UBASH3A: variants seen among roughly 807,000 people sequenced by gnomAD.
The protein encoded by UBASH3A is ubiquitin-associated and SH3 domain-containing protein A.
Under a neutral mutation model 73.5 loss-of-function variants are expected in UBASH3A, and 63 were observed. The ratio of observed to expected loss-of-function variants is 0.86; its 90% CI spans 0.70 to 1.06. The LOEUF (loss-of-function observed/expected upper bound fraction) is 1.06. Among genes scored for constraint, UBASH3A ranks in the 50% least tolerant of loss-of-function variants. The pLI, the probability that UBASH3A is intolerant of heterozygous loss-of-function variation, is 0.00. For missense variants in UBASH3A, 860 were observed against 859.0 expected, an observed-to-expected ratio of 1.00 and a Z score of -0.02; for synonymous variants, 363 against 351.1, an observed-to-expected ratio of 1.03 and a Z score of -0.38.
chr21:42,443,634 C>T (rs1009535814), intron 13 of UBASH3A, among the ~76,000 whole-genome samples: 3 of 151,038 alleles, frequency 2.0e-5, no homozygotes, highest in Non-Finnish European at 3.0e-5. Flanking sequence ...GGCCCTGGGA[C>T]CCCCCATCCT....
Position 42,420,204 on chromosome 21 carries a change from A to G in UBASH3A, c.1046+1595A>G, listed in dbSNP as rs966203504. Among the ~76,000 whole-genome samples, 3 of 152,196 alleles carry G rather than the reference A, an allele frequency of 2.0e-5. No individual in the cohort carries two copies. The South Asian group carries it at 6.2e-4, about 32-fold the overall frequency. ...GACCCCCACAGATACCCAAATCCTC[A>G]TGTTCTCGAGTCCCCGATATAAAAT... is the stretch of plus-strand genomic sequence containing the variant. On this transcript the variant is annotated intron_variant, in intron 7 of 14. Transcript: ENST00000319294.
chr21:42,413,053 C>G lies in UBASH3A; in HGVS notation c.384C>G (p.Tyr128Ter), dbSNP rs762432071. ...AAGACCAGAAGGTGGAATGCCTGTA[C>G]GAGGCGCTGAAGAGAGCTGGAGACA... The part of the protein sequence containing the change: ...TCEDQKVECL[Y>*]EALKRAGDRL... Residue 128 changes from tyrosine (Y) to a stop codon, truncating the protein, a stop_gained, in exon 4 of 15, where the codon TAC (tyrosine) becomes TAG (stop). Transcript: ENST00000319294. LOFTEE classifies it high-confidence loss of function. The surrounding 1 kb of genome is among the most constrained non-coding windows in gnomAD (Gnocchi z 4.5). 1 of 1,614,078 alleles carries G rather than the reference C, an allele frequency of 6.2e-7. No homozygotes were observed.
At chr21:42,442,400 A>T (rs2053762802) in intron 11 of UBASH3A, 52 bp from the exon 12 acceptor site, 1 of 1,588,274 alleles carries the variant, frequency 6.3e-7, no homozygotes, top group Non-Finnish European at 8.6e-7. Context: ...TATTTATGCA[A>T]AGTCAGGGTG....
In UBASH3A at chr21:42,442,599, A is replaced by G. The variant is rs554479384; in HGVS notation, c.1631+3A>G. 3.7e-6 allele frequency: 6 copies of G among 1,605,528 alleles called. No homozygotes were observed. The African/African-American group carries it at 5.4e-5, about 14-fold the overall frequency. ...TTCAACATTGACACTGATTACAGGT[A>G]TGCTGTTCTAAAGTTCTCTGCCACT... On this transcript the variant is annotated splice_donor_region_variant and intron_variant, in intron 12 of 14. Coordinates refer to ENST00000319294, the MANE Select transcript of UBASH3A (RefSeq NM_018961.4).
At chr21:42,420,651 A>G (rs148901021) in intron 7 of UBASH3A, among the ~76,000 whole-genome samples, 13 of 152,278 alleles carry the variant, frequency 8.5e-5, no homozygotes, top group Non-Finnish European at 1.8e-4. Context: ...CTGAAAACCC[A>G]TGGGCAAGCT....
chr21:42,434,978 G>A, intron 10 of UBASH3A, 24 bp downstream of exon 10: 2 of 1,612,730 alleles, frequency 1.2e-6, no homozygotes, highest in Non-Finnish European at 1.7e-6. Flanking sequence ...CTGTCTAGTA[G>A]GAAAGGTAAC....
At chr21:42,444,470 C>G in intron 13 of UBASH3A, 64 bp from the exon 14 acceptor site, 1 of 1,270,580 alleles carries the variant, frequency 7.9e-7, no homozygotes, top group Non-Finnish European at 1.1e-6. Flanking sequence ...CTTTGGGGAC[C>G]CCAGTCTAAT....
Position 42,413,045 on chromosome 21 carries a change from T to G in UBASH3A, c.376T>G (p.Cys126Gly). The G allele has an allele frequency of 6.2e-7, 1 of 1,614,202 alleles. No homozygotes were observed. Among genetic ancestry groups the G allele is most frequent in the Non-Finnish European group, 8.5e-7 (1 of 1,180,022 alleles). The change falls in exon 4 of 15, where the codon TGC becomes GGC. Residue 126 changes from cysteine (C) to glycine (G), a missense_variant. Cys to Gly is a radical substitution (Grantham distance 159). Coordinates refer to ENST00000319294, the MANE Select transcript of UBASH3A (RefSeq NM_018961.4). The surrounding 1 kb of genome is among the most constrained non-coding windows in gnomAD (Gnocchi z 4.5). ...FFTCEDQKVECLYEALKRAGD... is the reference protein window; with the variant it reads ...FFTCEDQKVEGLYEALKRAGD... ...TTAGTGTGAAGACCAGAAGGTGGAATGCCTGTACGAGGCGCTGAAGAGAGC... is the reference window on the plus strand; with the variant it reads ...TTAGTGTGAAGACCAGAAGGTGGAAGGCCTGTACGAGGCGCTGAAGAGAGC...
chr21:42,406,308 G>T lies in UBASH3A; in HGVS notation c.114G>T (p.Ala38=), dbSNP rs757370091. 3 of 1,613,846 alleles carry T rather than the reference G, an allele frequency of 1.9e-6. No individual in the cohort carries two copies. Among genetic ancestry groups the T allele is most frequent in the African/African-American group, 1.3e-5 (1 of 74,914 alleles). ...TGTGTCTGTGTCTGCTCTTCTGCAG[G>T]CTGAAAGCGTTGGCAGCCACGGGGA... The part of the protein sequence containing the change: ...LLAMGFPVHT[A]LKALAATGRK... The change falls in exon 2 of 15, where the codon GCG becomes GCT. Residue 38 remains alanine, a splice_region_variant and synonymous_variant. Transcript: ENST00000319294.
chr21:42,427,095 C>T (rs1047331014), intron 8 of UBASH3A, among the ~76,000 whole-genome samples: 1 of 152,144 alleles, frequency 6.6e-6, no homozygotes, highest in African/African-American at 2.4e-5. Flanking sequence ...GTTCTCATCC[C>T]ATTCCCTCAT....
In UBASH3A at chr21:42,409,600, T is replaced by C; in HGVS notation, c.346T>C (p.Phe116Leu). ...CTTCCCACACGTGACACTCTGTGAC[T>C]TCTTCACGGTGAGTCAACCCAGTGT... is the stretch of plus-strand genomic sequence containing the variant. ...EVFPHVTLCD[F>L]FTCEDQKVEC... Residue 116 changes from phenylalanine (F) to leucine (L), a missense_variant, in exon 3 of 15, where the codon TTC becomes CTC. By Grantham distance (22) the Phe-to-Leu change is conservative. Coordinates refer to ENST00000319294, the MANE Select transcript of UBASH3A (RefSeq NM_018961.4). 3.1e-6 allele frequency: 5 copies of C among 1,610,562 alleles called. No individual in the cohort carries two copies. Among genetic ancestry groups the C allele is most frequent in the Non-Finnish European group, 4.2e-6 (5 of 1,178,368 alleles).
Position 42,422,905 on chromosome 21 carries a change from C to T in UBASH3A, c.1047-3792C>T, listed in dbSNP as rs373499864. 9.2e-4 allele frequency among the ~76,000 whole-genome samples: 140 copies of T among 152,166 alleles called. 2 individuals carry two copies. Among genetic ancestry groups the T allele is most frequent in the Non-Finnish European group, 1.6e-3 (106 of 68,010 alleles). On this transcript the variant is annotated intron_variant, in intron 7 of 14. Transcript: ENST00000319294. The stretch of plus-strand genomic sequence containing the variant: ...TCTAGAAACTTCTAACCATGGTTAC[C>T]GGTGGGTGTTGGGAGTGGGAGCCAG...
intron 11 of UBASH3A, among the ~76,000 whole-genome samples, chr21:42,441,889 C>A (rs1004969753): frequency 2.0e-5 from 3 of 152,202 alleles, no homozygotes; most frequent in Admixed American, 2.0e-4. Context: ...AAAGAGATGG[C>A]CTTACTTTAT....
rs367887718 is a variant in UBASH3A at position 42,437,743 on chromosome 21, C to T, written c.1486+163C>T. 1.8e-5 allele frequency: 12 copies of T among 665,630 alleles called. No individual in the cohort carries two copies. In the East Asian group the frequency reaches 3.3e-4, roughly 18 times the overall value. The allele number at this position is 665,630 out of a possible 1,614,324, so 41.2% of individuals were successfully genotyped here. A position where few individuals can be genotyped will look rare whatever the true frequency, so the allele number is the denominator to read the frequency against. On this transcript the variant is annotated intron_variant, in intron 11 of 14. Coordinates refer to ENST00000319294, the MANE Select transcript of UBASH3A (RefSeq NM_018961.4). ...CCAGCCCTCCAAGGATGCTGGCAGG[C>T]ATGCTGGGTCCGTGAGCGTGTCTGG...
intron 9 of UBASH3A, among the ~76,000 whole-genome samples, chr21:42,433,986 C>A (rs138805156): frequency 1.3e-5 from 2 of 152,114 alleles, no homozygotes; most frequent in African/African-American, 4.8e-5. Flanking sequence ...GGCTTGGGGT[C>A]CCTTTGGAGA....
intron 8 of UBASH3A, among the ~76,000 whole-genome samples, chr21:42,430,796 C>T (rs115641947): frequency 0.038 from 5,834 of 152,312 alleles, 118 homozygotes; most frequent in African/African-American, 0.051. Context: ...CATGCTCCCC[C>T]CTGCGGTGCC....
chr21:42,419,881 G>A (rs548154773), intron 7 of UBASH3A, among the ~76,000 whole-genome samples: 48 of 152,222 alleles, frequency 3.2e-4, no homozygotes, highest in Middle Eastern at 6.8e-3. Context: ...AGATTATTCC[G>A]CCCTATCATA....
At chr21:42,415,722 A>T (rs923718656) in intron 5 of UBASH3A, among the ~76,000 whole-genome samples, 5 of 152,264 alleles carry the variant, frequency 3.3e-5, no homozygotes, top group Non-Finnish European at 5.9e-5. Context: ...AGGCTCAGTC[A>T]AGGTCACCCT....
chr21:42,428,704 G>A (rs907498711), intron 8 of UBASH3A, among the ~76,000 whole-genome samples: 1 of 151,922 alleles, frequency 6.6e-6, no homozygotes, highest in African/African-American at 2.4e-5. Flanking sequence ...AAGTACCCAG[G>A]TATTGGGTAG....
Sources: allele counts gnomAD v4.1 joint callset (sites outside exome capture counted in the v4.1 genomes callset), GRCh38; gene constraint gnomAD v4.1.1; non-coding constraint Gnocchi (gnomAD v3.1); transcripts MANE v1.5; gene names NCBI Gene and HGNC (gene_info 2026-07-23, HGNC 2026-07-21).